The following CACNA1S variants were observed in gnomAD, a reference collection of about 807,000 sequenced individuals.
The protein encoded by CACNA1S is calcium voltage-gated channel subunit alpha1 S.
CACNA1S carries 126 observed loss-of-function variants against 207.4 expected under a neutral mutation model. The observed-to-expected ratio is 0.61, with a 90% confidence interval of 0.53 to 0.70. The LOEUF is 0.70. CACNA1S is among the 30% of genes least tolerant of loss of function. The probability of loss-of-function intolerance (pLI) is 0.00; values close to 1 mark genes in which losing one functional copy is unlikely to be tolerated. For missense variants in CACNA1S, 2,349 were observed against 2,422.8 expected (o/e 0.97, Z 0.64); for synonymous variants, 960 against 932.7 (o/e 1.03, Z -0.53).
Position 201,066,320 on chromosome 1 carries a change from G to T in CACNA1S, c.2658-4C>A. 6.2e-7 allele frequency: 1 copy of T among 1,609,592 alleles called. No homozygotes were observed. The highest frequency in any genetic ancestry group is 8.5e-7 in the Non-Finnish European group (1 of 1,179,860). The stretch of plus-strand genomic sequence containing the variant: ...CACCACGGAGATGGCACTGGACCTG[G>T]GGGGCGGCAATGGTGAGGGGGCTGA... On this transcript the variant is annotated splice_polypyrimidine_tract_variant and splice_region_variant and intron_variant, in intron 20 of 43. Transcript: ENST00000362061. The surrounding 1 kb of genome is among the most constrained non-coding windows in gnomAD (Gnocchi z 4.3).
At chr1:201,047,346 G>T in intron 37 of CACNA1S, 107 bp from the exon 38 acceptor site, 19 of 1,495,136 alleles carry the variant, frequency 1.3e-5, no homozygotes, top group Non-Finnish European at 1.8e-5. Context: ...GCAATCCTTT[G>T]TCTTGCTGAC....
At chr1:201,069,433 G>A (rs1661370921) in intron 18 of CACNA1S, 39 bp downstream of exon 18, 4 of 1,604,786 alleles carry the variant, frequency 2.5e-6, no homozygotes, top group Admixed American at 1.7e-5. Context: ...GCTGGAGGGG[G>A]CAGGGGTGCT....
chr1:201,059,122 T>G lies in CACNA1S; in HGVS notation c.3525+67A>C, dbSNP rs547491925. ...TGATAGGATGAGGGATGGGGGTGGA[T>G]GTTCCACTGGAAGGTCCCACCCACC... On this transcript the variant is annotated intron_variant, in intron 27 of 43. Transcript: ENST00000362061. 1.4e-3 allele frequency: 1,374 copies of G among 976,992 alleles called. 1 individual carries two copies. Among genetic ancestry groups the G allele is most frequent in the Non-Finnish European group, 1.3e-3 (770 of 608,930 alleles). 60.5% of individuals were successfully genotyped at this position (976,992 alleles called of 1,614,324 possible). A position where few individuals can be genotyped will look rare whatever the true frequency, so the allele number is the denominator to read the frequency against.
At chr1:201,086,862 G>C (rs980208475) in intron 7 of CACNA1S, among the ~76,000 whole-genome samples, 1 of 152,214 alleles carries the variant, frequency 6.6e-6, no homozygotes, top group Non-Finnish European at 1.5e-5. Context: ...TTTCTATTAG[G>C]ACAAGTCATA....
intron 2 of CACNA1S, among the ~76,000 whole-genome samples, chr1:201,099,812 G>A (rs1382296812): frequency 2.0e-5 from 3 of 152,190 alleles, no homozygotes; most frequent in Non-Finnish European, 4.4e-5. Context: ...CTGACAGCTG[G>A]ACTGGGCCCC....
intron 38 of CACNA1S, among the ~76,000 whole-genome samples, chr1:201,045,284 C>T (rs566193645): frequency 7.2e-5 from 11 of 152,178 alleles, no homozygotes; most frequent in Admixed American, 2.6e-4. Context: ...GTGTCAAGAT[C>T]GTGTCAAGGA....
Position 201,073,532 on chromosome 1 carries a change from C to G in CACNA1S, c.2157+17G>C, listed in dbSNP as rs1472556794. On this transcript the variant is annotated intron_variant, in intron 15 of 43. Coordinates refer to ENST00000362061, the MANE Select transcript of CACNA1S (RefSeq NM_000069.3). ...AGCCCCTAGACTGCCTCTAACATCC[C>G]CACCTGAGGTGCTCACCTTGGCAGT... 1 of 1,599,672 alleles carries G rather than the reference C, an allele frequency of 6.3e-7. No individual in the cohort carries two copies. The highest frequency in any genetic ancestry group is 2.2e-5 in the East Asian group (1 of 44,822).
chr1:201,048,462 TC>T lies in CACNA1S; in HGVS notation c.4441+119del, dbSNP rs1159854287. On this transcript the variant is annotated intron_variant, in intron 36 of 43. Transcript: ENST00000362061. ...ACTTTGTGCCCATGGCCTGGGGTCC[TC>T]CCTCTACTTCTTCCCACAGTTCTTA... The T allele has an allele frequency of 4.6e-6, 4 of 863,258 alleles. No individual in the cohort carries two copies. The African/African-American group carries it at 5.0e-5, about 11-fold the overall frequency. The allele number at this position is 863,258 out of a possible 1,614,324, so 53.5% of individuals were successfully genotyped here.
rs776273589 is a variant in CACNA1S at position 201,040,642 on chromosome 1, C to T, written c.5206G>A (p.Ala1736Thr). The part of the protein sequence containing the change: ...LTQRAMPRGQ[A>T]PPAPCQCPRV... The stretch of plus-strand genomic sequence containing the variant: ...GTTACCTGGCAGGGGGCAGGAGGTG[C>T]CTGGCCTCTGGGCATTGCCCTCTGG... Residue 1736 changes from alanine to threonine, a missense_variant, in exon 42 of 44, where the codon GCA (alanine) becomes ACA (threonine). By Grantham distance (58) the Ala-to-Thr change is moderately conservative (BLOSUM62 0). Coordinates refer to ENST00000362061, the MANE Select transcript of CACNA1S (RefSeq NM_000069.3). 2.2e-5 allele frequency: 35 copies of T among 1,614,100 alleles called. No individual in the cohort carries two copies. In the South Asian group the frequency reaches 2.7e-4, roughly 13 times the overall value.
chr1:201,047,474 C>T, intron 37 of CACNA1S, 51 bp downstream of exon 37: 2 of 1,478,984 alleles, frequency 1.4e-6, no homozygotes, highest in Middle Eastern at 1.8e-4. Context: ...AAGCTCCCCA[C>T]TCCCATTCCT....
intron 27 of CACNA1S, among the ~76,000 whole-genome samples, chr1:201,058,909 C>G (rs1239864662): frequency 6.6e-6 from 1 of 152,208 alleles, no homozygotes; most frequent in Non-Finnish European, 1.5e-5. Flanking sequence ...TTCCCCCAGC[C>G]CTGGGACTGT....
At chr1:201,087,531 G>A (rs552333319) in intron 7 of CACNA1S, among the ~76,000 whole-genome samples, 3 of 152,240 alleles carry the variant, frequency 2.0e-5, no homozygotes, top group African/African-American at 7.2e-5. Flanking sequence ...TGAGGAGGAG[G>A]AAAAAGGCAA....
In CACNA1S at chr1:201,053,100, G is replaced by A. The variant is rs1317751695; in HGVS notation, c.3861+109C>T. On this transcript the variant is annotated intron_variant, in intron 31 of 43. Transcript: ENST00000362061. The surrounding 1 kb of genome is among the most constrained non-coding windows in gnomAD (Gnocchi z 5.1). ...CCTTCTTTCTCACGAGCAAGGCAGG[G>A]AGGGCGGAGGGTCCAGCCCGTGTGC... is the stretch of plus-strand genomic sequence containing the variant. 4 of 1,221,626 alleles carry A rather than the reference G, an allele frequency of 3.3e-6. No homozygotes were observed. The highest frequency in any genetic ancestry group is 4.9e-6 in the Non-Finnish European group (4 of 822,080). The allele number at this position is 1,221,626 out of a possible 1,614,324, so 75.7% of individuals were successfully genotyped here. A position where few individuals can be genotyped will look rare whatever the true frequency, so the allele number is the denominator to read the frequency against.
intron 36 of CACNA1S, 88 bp from the exon 37 acceptor site, chr1:201,047,714 C>A: frequency 1.2e-6 from 1 of 869,206 alleles, no homozygotes; most frequent in East Asian, 2.4e-5. Context: ...TTTCAGACAG[C>A]CAGTCATTTA....
At chr1:201,062,564 C>T (rs199787523) in intron 22 of CACNA1S, 50 bp from the exon 23 acceptor site, 43 of 1,578,342 alleles carry the variant, frequency 2.7e-5, no homozygotes, top group Middle Eastern at 3.3e-4. Context: ...GTCATGGAAA[C>T]AGGATAGAAA....
Position 201,041,523 on chromosome 1 carries a change from G to A in CACNA1S, c.5115C>T (p.Gly1705=). Residue 1705 remains glycine (G), a synonymous_variant, in exon 41 of 44, where the codon GGC becomes GGT. Coordinates refer to ENST00000362061, the MANE Select transcript of CACNA1S (RefSeq NM_000069.3). ...ACTGACCCAGGACCCTGCAGGGTTGGCCAAGGGCTCGTCCTCTGGTAGCAG... is the reference window on the plus strand; with the variant it reads ...ACTGACCCAGGACCCTGCAGGGTTGACCAAGGGCTCGTCCTCTGGTAGCAG... The part of the protein sequence containing the change: ...ETPATRGRAL[G]QPCRVLGPHS... The A allele has an allele frequency of 1.9e-6, 3 of 1,613,964 alleles. No individual in the cohort carries two copies. The highest frequency in any genetic ancestry group is 2.5e-6 in the Non-Finnish European group (3 of 1,179,820).
At chr1:201,072,629 T>G (rs1025066669) in intron 16 of CACNA1S, 126 bp downstream of exon 16, 4 of 773,538 alleles carry the variant, frequency 5.2e-6, no homozygotes, top group Non-Finnish European at 9.4e-6. Context: ...TCTCCGGTGT[T>G]CTGATCTCCA....
chr1:201,062,037 T>C lies in CACNA1S; in HGVS notation c.2960A>G (p.His987Arg), dbSNP rs201174511. The C allele has an allele frequency of 8.6e-5, 139 of 1,614,114 alleles. No homozygotes were observed. In the East Asian group the frequency reaches 2.9e-3, roughly 33 times the overall value. ...GAAGTCGCTGTGTACCCACTCGCGG[T>C]GACGCAGCTCTATCTGCATGGGGTC... ...DGDPMQIELR[H>R]REWVHSDFHF... Residue 987 changes from histidine to arginine, a missense_variant, in exon 24 of 44, where the codon CAC becomes CGC. Transcript: ENST00000362061.
At chr1:201,104,289 G>A (rs1278339728) in intron 2 of CACNA1S, among the ~76,000 whole-genome samples, 1 of 151,950 alleles carries the variant, frequency 6.6e-6, no homozygotes, top group Non-Finnish European at 1.5e-5. Context: ...ACACATCTCC[G>A]CCCCTGCCCC....
Sources: allele counts gnomAD v4.1 joint callset (sites outside exome capture counted in the v4.1 genomes callset), GRCh38; gene constraint gnomAD v4.1.1; non-coding constraint Gnocchi (gnomAD v3.1); transcripts MANE v1.5; gene names NCBI Gene and HGNC (gene_info 2026-07-23, HGNC 2026-07-21).